DIP2C: variants seen among roughly 807,000 people sequenced by gnomAD.
DIP2C encodes the protein DIP2 acetate--CoA ligase C (putative).
DIP2C carries 33 observed loss-of-function variants against 192.4 expected under a neutral mutation model. The ratio of observed to expected loss-of-function variants is 0.17; its 90% CI spans 0.13 to 0.23. The LOEUF (loss-of-function observed/expected upper bound fraction) is 0.23, where lower values mean the gene tolerates loss of function less well. Ranked by LOEUF, DIP2C falls within the 10% of genes least tolerant of loss-of-function variation. The probability of loss-of-function intolerance (pLI) is 1.00; values close to 1 mark genes in which losing one functional copy is unlikely to be tolerated. For synonymous variants in DIP2C, 979 were observed against 864.1 expected, an observed-to-expected ratio of 1.13 and a Z score of -2.33; for missense variants, 1,537 against 2,110.1, an observed-to-expected ratio of 0.73 and a Z score of 5.32.
chr10:341,696 AT>A (rs1395422317), intron 28 of DIP2C, among the ~76,000 whole-genome samples: 1 of 152,242 alleles, frequency 6.6e-6, no homozygotes, highest in Non-Finnish European at 1.5e-5. Context: ...ACCCAAAGAC[AT>A]CTTTAAGACA....
intron 1 of DIP2C, among the ~76,000 whole-genome samples, chr10:603,939 G>GCACCCC (rs1363837419): frequency 3.4e-4 from 49 of 142,568 alleles, no homozygotes; most frequent in Admixed American, 2.1e-4. Flanking sequence ...CTCCGGCCCG[G>GCACCCC]CACCCCTCCA....
chr10:318,743 C>A (rs866061226), intron 31 of DIP2C, among the ~76,000 whole-genome samples: 3 of 152,186 alleles, frequency 2.0e-5, no homozygotes, highest in Non-Finnish European at 4.4e-5. Flanking sequence ...GTGGCTCATT[C>A]CCTGAGGCTT....
chr10:299,260 A>G (rs1303945653), intron 32 of DIP2C, among the ~76,000 whole-genome samples: 1 of 152,258 alleles, frequency 6.6e-6, no homozygotes, highest in African/African-American at 2.4e-5. Flanking sequence ...AGTTTCAGTA[A>G]TTTTAATATT....
chr10:409,470 G>A (rs1464345760), intron 8 of DIP2C, among the ~76,000 whole-genome samples: 1 of 152,178 alleles, frequency 6.6e-6, no homozygotes, highest in African/African-American at 2.4e-5. Flanking sequence ...AGGAGTAAAA[G>A]CAATGACTCC....
intron 1 of DIP2C, among the ~76,000 whole-genome samples, chr10:537,731 C>G (rs1014509705): frequency 5.9e-5 from 9 of 152,186 alleles, no homozygotes; most frequent in Non-Finnish European, 1.3e-4. Flanking sequence ...ACCCATTGCT[C>G]TGGCAATAAG....
intron 1 of DIP2C, among the ~76,000 whole-genome samples, chr10:586,883 C>G (rs1021382862): frequency 2.6e-5 from 4 of 152,156 alleles, no homozygotes; most frequent in Admixed American, 2.6e-4. Flanking sequence ...TGGGGAGGGG[C>G]GACCAGCATG....
At chr10:290,561 C>G (rs1267531586) in intron 32 of DIP2C, among the ~76,000 whole-genome samples, 1 of 152,220 alleles carries the variant, frequency 6.6e-6, no homozygotes, top group African/African-American at 2.4e-5. Context: ...GCCAGGAGGC[C>G]CGCAGATGTG....
At chr10:654,008 C>T (rs1012084283) in intron 1 of DIP2C, among the ~76,000 whole-genome samples, 5 of 152,152 alleles carry the variant, frequency 3.3e-5, no homozygotes, top group Admixed American at 1.3e-4. Flanking sequence ...ATACCTTCCC[C>T]AAATTACCCA....
intron 5 of DIP2C, among the ~76,000 whole-genome samples, chr10:421,873 C>T (rs1485866140): frequency 2.0e-5 from 3 of 152,272 alleles, no homozygotes; most frequent in Middle Eastern, 3.4e-3. Context: ...AGACAGAAAA[C>T]GGCCGACGCT....
At chr10:376,773 T>C (rs1171402463) in intron 17 of DIP2C, among the ~76,000 whole-genome samples, 1 of 152,090 alleles carries the variant, frequency 6.6e-6, no homozygotes, top group Non-Finnish European at 1.5e-5. Flanking sequence ...TTCACAGTAC[T>C]GGTAAAAATG....
intron 1 of DIP2C, among the ~76,000 whole-genome samples, chr10:526,320 T>TA (rs1339747134): frequency 6.6e-6 from 1 of 152,198 alleles, no homozygotes; most frequent in Non-Finnish European, 1.5e-5. Context: ...TTTTATTACA[T>TA]AAAATTTAGA....
chr10:583,360 G>C (rs1365976871), intron 1 of DIP2C, among the ~76,000 whole-genome samples: 1 of 152,200 alleles, frequency 6.6e-6, no homozygotes, highest in African/African-American at 2.4e-5. Flanking sequence ...TATATGGAAT[G>C]AATTATCCCA....
At chr10:445,938 C>T (rs1968154131) in intron 3 of DIP2C, among the ~76,000 whole-genome samples, 1 of 151,724 alleles carries the variant, frequency 6.6e-6, no homozygotes, top group African/African-American at 2.4e-5. Context: ...CACAGGCCCA[C>T]TGGGCGTCTG....
chr10:575,181 T>C (rs1850074759), intron 1 of DIP2C, among the ~76,000 whole-genome samples: 1 of 152,232 alleles, frequency 6.6e-6, no homozygotes, highest in East Asian at 1.9e-4. Flanking sequence ...CAGGGCATGA[T>C]TCCATGCTAA....
chr10:419,179 C>A lies in DIP2C; in HGVS notation c.625G>T (p.Asp209Tyr). ...TGCTCTGAGGTGTACGTGGTTACGT[C>A]AGGAGGTGCAGAATGATTTTCTGTA... Reference protein sequence around the residue: ...THIENHSAPPDVTTYTSEHSI... With the variant: ...THIENHSAPPYVTTYTSEHSI... The change falls in exon 6 of 37, where the codon GAC becomes TAC. Residue 209 changes from aspartate to tyrosine, a missense_variant. By Grantham distance (160) the Asp-to-Tyr change is radical. Coordinates refer to ENST00000280886, the MANE Select transcript of DIP2C (RefSeq NM_014974.3). The A allele has an allele frequency of 1.9e-6, 3 of 1,614,236 alleles. No homozygotes were observed. Among genetic ancestry groups the A allele is most frequent in the Non-Finnish European group, 2.5e-6 (3 of 1,180,046 alleles).
At chr10:470,182 A>G (rs1970514964) in intron 3 of DIP2C, among the ~76,000 whole-genome samples, 1 of 152,198 alleles carries the variant, frequency 6.6e-6, no homozygotes, top group African/African-American at 2.4e-5. Flanking sequence ...TAACGAATAC[A>G]CAGACATGCA....
chr10:334,056 G>C (rs1170633619), intron 29 of DIP2C, among the ~76,000 whole-genome samples: 1 of 152,106 alleles, frequency 6.6e-6, no homozygotes, highest in Non-Finnish European at 1.5e-5. Flanking sequence ...TGTAATCCCA[G>C]CACTTTGGGA....
intron 9 of DIP2C, among the ~76,000 whole-genome samples, chr10:405,916 T>C (rs765863214): frequency 1.1e-4 from 17 of 152,322 alleles, no homozygotes; most frequent in Admixed American, 7.8e-4. Context: ...TACCGGCTCA[T>C]CTTTTCTCCT....
chr10:586,475 C>T (rs983091382), intron 1 of DIP2C, among the ~76,000 whole-genome samples: 4 of 128,104 alleles, frequency 3.1e-5, no homozygotes, highest in African/African-American at 1.9e-4. Context: ...GAGGCCACCC[C>T]AGGCAGACCA....
Sources: allele counts gnomAD v4.1 joint callset (sites outside exome capture counted in the v4.1 genomes callset), GRCh38; gene constraint gnomAD v4.1.1; transcripts MANE v1.5; gene names NCBI Gene and HGNC (gene_info 2026-07-23, HGNC 2026-07-21).